WDR62: variants seen among roughly 807,000 people sequenced by gnomAD.
The protein encoded by WDR62 is WD repeat-containing protein 62.
In WDR62, 112 loss-of-function variants were observed where a neutral mutation model predicts 160.6. The ratio of observed to expected loss-of-function variants is 0.70; its 90% CI spans 0.60 to 0.82. The LOEUF (loss-of-function observed/expected upper bound fraction) is 0.82. Among genes scored for constraint, WDR62 ranks in the 40% least tolerant of loss-of-function variants. The pLI, the probability that WDR62 is intolerant of heterozygous loss-of-function variation, is 0.00. For synonymous variants in WDR62, 792 were observed against 815.1 expected (o/e 0.97, Z 0.48); for missense variants, 1,819 against 1,983.8 (o/e 0.92, Z 1.58).
intron 2 of WDR62, 125 bp from the exon 3 acceptor site, chr19:36,059,843 A>G (rs900675581): frequency 3.3e-6 from 3 of 917,866 alleles, no homozygotes; most frequent in Non-Finnish European, 5.4e-6. Context: ...GAGGAGGGGG[A>G]GGAGGAGGAG....
intron 3 of WDR62, chr19:36,061,050 T>C (rs1381304731): frequency 1.3e-5 from 2 of 152,382 alleles, no homozygotes; most frequent in African/African-American, 4.8e-5. Context: ...CTCCTTGGCA[T>C]AGCTCAGGCT....
intron 9 of WDR62, among the ~76,000 whole-genome samples, chr19:36,078,731 G>C (rs1014768373): frequency 4.6e-4 from 70 of 151,482 alleles, no homozygotes; most frequent in African/African-American, 1.6e-3. Context: ...AGCTACTTGG[G>C]GGGCTGAGGC....
Position 36,099,413 on chromosome 19 carries a change from T to G in WDR62, c.2535T>G (p.Asp845Glu). The G allele has an allele frequency of 6.2e-7, 1 of 1,613,626 alleles. No homozygotes were observed. Among genetic ancestry groups the G allele is most frequent in the Non-Finnish European group, 8.5e-7 (1 of 1,179,996 alleles). The change falls in exon 22 of 32, where the codon GAT becomes GAG. Residue 845 changes from aspartate (D) to glutamate (E), a missense_variant. Coordinates refer to ENST00000401500, the MANE Select transcript of WDR62 (RefSeq NM_001083961.2). ...LWAKRLLGDD[D>E]VADGLAFHAK... Reference sequence around the variant, plus strand: ...TATCCTTCAAGCTAGGGGACGATGATGTGGCAGATGGCTTGGCCTTCCACG... The same window carrying G: ...TATCCTTCAAGCTAGGGGACGATGAGGTGGCAGATGGCTTGGCCTTCCACG...
downstream of WDR62, among the ~76,000 whole-genome samples, chr19:36,108,361 C>A (rs77675107): frequency 0.018 from 2,735 of 151,924 alleles, 37 homozygotes; most frequent in Non-Finnish European, 0.026. Context: ...TGCAACTCCC[C>A]CCCTGCTTCT....
At chr19:36,085,689 C>CTCA (rs1300627192) in intron 12 of WDR62, among the ~76,000 whole-genome samples, 2 of 151,954 alleles carry the variant, frequency 1.3e-5, no homozygotes, top group African/African-American at 2.4e-5. Context: ...GTCTCCAGAC[C>CTCA]TCATGGTCCT....
chr19:36,101,375 T>G, intron 24 of WDR62, 58 bp downstream of exon 24: 1 of 1,446,484 alleles, frequency 6.9e-7, no homozygotes, highest in Non-Finnish European at 9.6e-7. Context: ...CAAGCCCCTT[T>G]CTGGGCACCG....
chr19:36,094,200 G>T, intron 20 of WDR62, 36 bp downstream of exon 20: 2 of 1,609,134 alleles, frequency 1.2e-6, no homozygotes, highest in Non-Finnish European at 1.7e-6. Context: ...CTATGTCAGT[G>T]TAGGGAATCA....
At position 36,089,171 on chromosome 19, in the gene WDR62, G is replaced by C; in HGVS notation, c.1837-14G>C. 6.2e-7 allele frequency: 1 copy of C among 1,613,586 alleles called. No homozygotes were observed. Among genetic ancestry groups the C allele is most frequent in the Non-Finnish European group, 8.5e-7 (1 of 1,179,748 alleles). ...TGTCGGGGCATTCTCTGAAGGTCCTGCCGGCCCTGCCAGGGTTCGGATGGA... is the reference window on the plus strand; with the variant it reads ...TGTCGGGGCATTCTCTGAAGGTCCTCCCGGCCCTGCCAGGGTTCGGATGGA... On this transcript the variant is annotated splice_polypyrimidine_tract_variant and intron_variant, in intron 14 of 31. Coordinates refer to ENST00000401500, the MANE Select transcript of WDR62 (RefSeq NM_001083961.2).
rs531318102 is a variant in WDR62 at position 36,069,439 on chromosome 19, C to G, written c.882+1429C>G. 1.1e-4 allele frequency among the ~76,000 whole-genome samples: 17 copies of G among 151,090 alleles called. 1 individual carries two copies. In the East Asian group the frequency reaches 2.6e-3, roughly 23 times the overall value. ...CCCCGCATCTCAGACGATGGGCGGC[C>G]GGGCAGAGACGCTCCTCACTTTCTA... On this transcript the variant is annotated intron_variant, in intron 7 of 31. Coordinates refer to ENST00000401500, the MANE Select transcript of WDR62 (RefSeq NM_001083961.2).
chr19:36,067,942 G>A lies in WDR62; in HGVS notation c.814G>A (p.Val272Met), dbSNP rs1214982788. ...CCGGATGGCGGGCAGTACCTTCTGTGTGTCCTACTCGGGCCTCCTCTGCCA... is the reference window on the plus strand; with the variant it reads ...CCGGATGGCGGGCAGTACCTTCTGTATGTCCTACTCGGGCCTCCTCTGCCA... ...RGRMAGSTFC[V>M]SYSGLLCQFN... Residue 272 changes from valine (V) to methionine (M), a missense_variant, in exon 7 of 32, where the codon GTG becomes ATG. Val to Met is a conservative substitution (Grantham distance 21). Around this residue, in one of 3 missense-constraint regions of WDR62, gnomAD observed 934 missense variants for 1,157.2 expected, o/e 0.81. Transcript: ENST00000401500. The A allele has an allele frequency of 1.2e-6, 2 of 1,614,078 alleles. No individual in the cohort carries two copies. The highest frequency in any genetic ancestry group is 2.7e-5 in the African/African-American group (2 of 74,928).
In WDR62 at chr19:36,103,351, C is replaced by T; in HGVS notation, c.3523C>T (p.Leu1175Phe). The T allele has an allele frequency of 3.1e-6, 5 of 1,614,056 alleles. No individual in the cohort carries two copies. Among genetic ancestry groups the T allele is most frequent in the Non-Finnish European group, 4.2e-6 (5 of 1,180,032 alleles). Residue 1175 changes from leucine to phenylalanine, a missense_variant, in exon 30 of 32, where the codon CTT becomes TTT. By Grantham distance (22) the Leu-to-Phe change is conservative. This residue lies in a region of WDR62 where 770 missense variants were observed against 734.2 expected (regional missense o/e 1.05). Coordinates refer to ENST00000401500, the MANE Select transcript of WDR62 (RefSeq NM_001083961.2). Reference protein sequence around the residue: ...LEAWRPPPPCLTSLASCVPAS... With the variant: ...LEAWRPPPPCFTSLASCVPAS... The stretch of plus-strand genomic sequence containing the variant: ...ATCTGCTTCCGTTACAGCTCCCTGC[C>T]TTACGAGCCTGGCGTCCTGTGTCCC...
At chr19:36,090,294 T>C (rs1972512780) in intron 15 of WDR62, 151 bp from the exon 16 acceptor site, 1 of 736,034 alleles carries the variant, frequency 1.4e-6, no homozygotes, top group African/African-American at 1.7e-5. Context: ...CAACCTCAGC[T>C]TGAGATGGGG....
intron 13 of WDR62, among the ~76,000 whole-genome samples, chr19:36,088,372 G>T (rs1972383144): frequency 6.6e-6 from 1 of 152,218 alleles, no homozygotes; most frequent in African/African-American, 2.4e-5. Context: ...GGCAGTCCCT[G>T]TTCCAAGGGC....
downstream of WDR62, chr19:36,105,185 GC>G: frequency 1.1e-6 from 1 of 951,192 alleles, no homozygotes; most frequent in Non-Finnish European, 1.6e-6. Flanking sequence ...AGAAGGTGAT[GC>G]CCAGAGGACT....
chr19:36,065,459 G>T (rs961926305), intron 3 of WDR62, among the ~76,000 whole-genome samples: 1 of 152,198 alleles, frequency 6.6e-6, no homozygotes, highest in Non-Finnish European at 1.5e-5. Context: ...GCTTGTGCAG[G>T]CTAGCTAGGA....
chr19:36,054,948 C>A lies in WDR62; in HGVS notation c.-24C>A. The A allele has an allele frequency of 6.4e-7, 1 of 1,566,522 alleles. No individual in the cohort carries two copies. The highest frequency in any genetic ancestry group is 8.6e-7 in the Non-Finnish European group (1 of 1,157,166). On this transcript the variant is annotated 5_prime_UTR_variant, in exon 1 of 32. Transcript: ENST00000401500. ...CGGCAGCGGCGGTTAGGGGATGTAA[C>A]GGTCGCCCGCCTCCGGCGTGACGAT... is the stretch of plus-strand genomic sequence containing the variant.
Position 36,101,256 on chromosome 19 carries a change from G to C in WDR62, c.2910G>C (p.Gln970His). ...RKEVEAGPGD[Q>H]QGDSYLRVSS... ...AGGTGGAGGCCGGGCCTGGAGACCA[G>C]CAGGGCGACTCCTACCTCAGGGTGT... is the stretch of plus-strand genomic sequence containing the variant. Residue 970 changes from glutamine to histidine, a missense_variant, in exon 24 of 32, where the codon CAG becomes CAC. Around this residue, in one of 3 missense-constraint regions of WDR62, gnomAD observed 770 missense variants for 734.2 expected, o/e 1.05. Coordinates refer to ENST00000401500, the MANE Select transcript of WDR62 (RefSeq NM_001083961.2). 1 of 1,613,284 alleles carries C rather than the reference G, an allele frequency of 6.2e-7. No homozygotes were observed. The highest frequency in any genetic ancestry group is 8.5e-7 in the Non-Finnish European group (1 of 1,179,870).
In WDR62 at chr19:36,073,375, C is replaced by T. The variant is rs533009834; in HGVS notation, c.1077C>T (p.Tyr359=). The change falls in exon 9 of 32, where the codon TAC becomes TAT. Residue 359 remains tyrosine (Y), a synonymous_variant. Coordinates refer to ENST00000401500, the MANE Select transcript of WDR62 (RefSeq NM_001083961.2). ...TCCACAGGAAGGCGGAAGCAGTCTA[C>T]CCAGATACAGTGGCACTGACCTTCG... ...FLFHRKAEAV[Y]PDTVALTFDP... 1 of 1,614,200 alleles carries T rather than the reference C, an allele frequency of 6.2e-7. No homozygotes were observed. Among genetic ancestry groups the T allele is most frequent in the East Asian group, 2.2e-5 (1 of 44,872 alleles).
At position 36,089,266 on chromosome 19, in the gene WDR62, C is replaced by T; in HGVS notation, c.1918C>T (p.Gln640Ter). Residue 640 changes from glutamine to a stop codon, truncating the protein, a stop_gained, in exon 15 of 32, where the codon CAG becomes TAG. Transcript: ENST00000401500. LOFTEE classifies it high-confidence loss of function. ...TLYDMDIDIT[Q>*]KYVAVACQDR... is the part of the protein sequence containing the mutation. Reference sequence around the variant, plus strand: ...GTATGACATGGACATTGACATCACCCAGAAGTACGTGGCCGTGGCCTGCCA... The same window carrying T: ...GTATGACATGGACATTGACATCACCTAGAAGTACGTGGCCGTGGCCTGCCA... 1 of 1,614,186 alleles carries T rather than the reference C, an allele frequency of 6.2e-7. No individual in the cohort carries two copies. The highest frequency in any genetic ancestry group is 8.5e-7 in the Non-Finnish European group (1 of 1,180,026).
Sources: gnomAD v4.1 joint callset for allele counts (sites outside exome capture counted in the v4.1 genomes callset) on GRCh38, gnomAD v4.1.1 for gene constraint, gnomAD v4.1.1 regional missense constraint, MANE v1.5 for transcripts, NCBI Gene and HGNC (gene_info 2026-07-23, HGNC 2026-07-21) for gene names.